Variants in HTR4 observed in about 807,000 individuals in gnomAD.
HTR4 encodes the protein 5-hydroxytryptamine (serotonin) receptor 4, G protein-coupled.
HTR4 carries 16 observed loss-of-function variants against 36.8 expected under a neutral mutation model. That is an observed-to-expected ratio of 0.43 (90% CI 0.29 to 0.66). HTR4 has a LOEUF of 0.66. Among genes scored for constraint, HTR4 ranks in the 30% least tolerant of loss-of-function variants. The pLI is 0.13. For missense variants in HTR4, 438 were observed against 490.9 expected (o/e 0.89, Z 1.02); for synonymous variants, 189 against 185.1 (o/e 1.02, Z -0.17).
At position 148,483,133 on chromosome 5, in the gene HTR4, A is replaced by C; in HGVS notation, c.*70T>G. 1.2e-6 allele frequency: 2 copies of C among 1,607,808 alleles called. No individual in the cohort carries two copies. The highest frequency in any genetic ancestry group is 2.2e-5 in the South Asian group (2 of 90,582). On this transcript the variant is annotated 3_prime_UTR_variant, in exon 7 of 7. Transcript: ENST00000377888. ...AAGAGAATACCGGGTGCAGTCGCGC[A>C]CAAGCAGCAGCTTAGGACCTGGCCC... is the stretch of plus-strand genomic sequence containing the variant.
At chr5:148,563,205 C>T (rs571040872) in intron 2 of HTR4, among the ~76,000 whole-genome samples, 1 of 152,306 alleles carries the variant, frequency 6.6e-6, no homozygotes, top group African/African-American at 2.4e-5. Flanking sequence ...GACTTCCTGA[C>T]TTCCACACTG....
chr5:148,525,391 G>C (rs753281025), intron 4 of HTR4, among the ~76,000 whole-genome samples: 2 of 151,900 alleles, frequency 1.3e-5, no homozygotes, highest in Non-Finnish European at 2.9e-5. Flanking sequence ...TTTCCATTTA[G>C]CATCCTTCTT....
chr5:148,600,958 A>G (rs1470060067), intron 2 of HTR4, among the ~76,000 whole-genome samples: 2 of 125,696 alleles, frequency 1.6e-5, no homozygotes, highest in African/African-American at 6.1e-5. Flanking sequence ...TATATGAGGA[A>G]CTCCCACAAC....
intron 6 of HTR4, among the ~76,000 whole-genome samples, chr5:148,504,172 C>A (rs985998523): frequency 2.0e-5 from 3 of 152,174 alleles, no homozygotes; most frequent in Non-Finnish European, 2.9e-5. Flanking sequence ...ACTCTCCACC[C>A]CAAATCAACA....
chr5:148,600,302 A>G (rs1761938188), intron 2 of HTR4, among the ~76,000 whole-genome samples: 1 of 147,626 alleles, frequency 6.8e-6, no homozygotes, highest in Non-Finnish European at 1.5e-5. Flanking sequence ...AAACACATAT[A>G]TATTATATTA....
intron 2 of HTR4, among the ~76,000 whole-genome samples, chr5:148,550,569 C>T (rs1455277250): frequency 1.3e-5 from 2 of 152,094 alleles, no homozygotes; most frequent in East Asian, 3.9e-4. Flanking sequence ...GTAGTTGATG[C>T]CTGTTTTGTG....
chr5:148,607,327 G>A (rs1047191000), intron 2 of HTR4, among the ~76,000 whole-genome samples: 3 of 152,108 alleles, frequency 2.0e-5, no homozygotes, highest in Non-Finnish European at 2.9e-5. Flanking sequence ...CAGATACTTC[G>A]GTCAAAAAGT....
rs577495295 is a variant in HTR4 at position 148,464,243 on chromosome 5, T to A, written c.1077-12971A>T. 2.0e-5 allele frequency among the ~76,000 whole-genome samples: 3 copies of A among 151,992 alleles called. No homozygotes were observed. In the East Asian group the frequency reaches 5.8e-4, roughly 29 times the overall value. ...TTCATGAAAGAAATAATTGATGAGG[T>A]AGACTTTATTAAAATTAAAAATTTT... On this transcript the variant is annotated intron_variant, in intron 5 of 5. Transcript: ENST00000521530.
intron 2 of HTR4, among the ~76,000 whole-genome samples, chr5:148,605,158 G>A (rs1457031288): frequency 2.0e-5 from 3 of 152,014 alleles, no homozygotes; most frequent in Admixed American, 1.3e-4. Context: ...TACTGTGGCC[G>A]GGACATTCCC....
chr5:148,483,417 C>G (rs1755988493), intron 6 of HTR4, 124 bp from the exon 7 acceptor site: 1 of 826,224 alleles, frequency 1.2e-6, no homozygotes, highest in Admixed American at 2.3e-5. Context: ...TATTTGGCTT[C>G]TACTTAGGAA....
In HTR4 at chr5:148,482,881, A is replaced by G. The variant is rs199654664; in HGVS notation, c.*322T>C. ...GACGCAGCAAGCTATCGTGCTTAGAACGTGAGTGAGACAGATCAGACACAG... is the reference window on the plus strand; with the variant it reads ...GACGCAGCAAGCTATCGTGCTTAGAGCGTGAGTGAGACAGATCAGACACAG... On this transcript the variant is annotated 3_prime_UTR_variant, in exon 7 of 7. Transcript: ENST00000377888. 1.3e-4 allele frequency: 159 copies of G among 1,217,504 alleles called. No homozygotes were observed. Among genetic ancestry groups the G allele is most frequent in the Non-Finnish European group, 1.6e-4 (153 of 965,428 alleles). 75.4% of individuals were successfully genotyped at this position (1,217,504 alleles called of 1,614,324 possible).
intron 4 of HTR4, among the ~76,000 whole-genome samples, chr5:148,536,309 A>G (rs1005698802): frequency 2.6e-5 from 4 of 152,190 alleles, no homozygotes; most frequent in African/African-American, 7.2e-5. Context: ...CCAATGATAT[A>G]TAAAGCAACT....
intron 2 of HTR4, among the ~76,000 whole-genome samples, chr5:148,563,714 G>T (rs1430162408): frequency 2.6e-5 from 4 of 152,138 alleles, no homozygotes; most frequent in Admixed American, 2.6e-4. Flanking sequence ...GTAAACAATA[G>T]ATATAACAAC....
intron 2 of HTR4, among the ~76,000 whole-genome samples, chr5:148,625,677 T>G (rs1395138106): frequency 6.6e-6 from 1 of 151,804 alleles, no homozygotes; most frequent in African/African-American, 2.4e-5. Flanking sequence ...GCCTCCCGGG[T>G]TCAAGCGATT....
intron 5 of HTR4, among the ~76,000 whole-genome samples, chr5:148,456,826 TA>T (rs1243559731): frequency 2.0e-5 from 3 of 152,242 alleles, no homozygotes; most frequent in Non-Finnish European, 4.4e-5. Flanking sequence ...TTGTAGACAT[TA>T]AATGAGATAA....
chr5:148,495,449 A>G (rs1400192608), intron 6 of HTR4, among the ~76,000 whole-genome samples: 1 of 152,166 alleles, frequency 6.6e-6, no homozygotes, highest in Non-Finnish European at 1.5e-5. Flanking sequence ...TAAACAGAAG[A>G]GAGGGTAAGC....
chr5:148,528,948 G>T (rs2113807980), intron 4 of HTR4, among the ~76,000 whole-genome samples: 1 of 146,076 alleles, frequency 6.8e-6, no homozygotes, highest in East Asian at 2.4e-4. Context: ...AATAATCGTG[G>T]TTTTTGCCAT....
At chr5:148,529,947 AT>A (rs1348759251) in intron 4 of HTR4, among the ~76,000 whole-genome samples, 1 of 152,128 alleles carries the variant, frequency 6.6e-6, no homozygotes. Flanking sequence ...TGCCTTAGAG[AT>A]TTGTGGAACT....
At chr5:148,540,507 G>T (rs1405721189) in intron 4 of HTR4, among the ~76,000 whole-genome samples, 1 of 143,864 alleles carries the variant, frequency 7.0e-6, no homozygotes, top group Non-Finnish European at 1.5e-5. Context: ...TAAAAAATAG[G>T]TGTGATTTGG....
Sources: gnomAD v4.1 joint callset for allele counts (sites outside exome capture counted in the v4.1 genomes callset) on GRCh38, gnomAD v4.1.1 for gene constraint, MANE v1.5 for transcripts, NCBI Gene and HGNC (gene_info 2026-07-23, HGNC 2026-07-21) for gene names.